The following DHX34 variants were observed in gnomAD, a reference collection of about 807,000 sequenced individuals.
DHX34 encodes probable ATP-dependent RNA helicase DHX34.
A neutral mutation model predicts 111.1 loss-of-function variants in DHX34; 96 were observed. That is an observed-to-expected ratio of 0.86 (90% CI 0.73 to 1.02). The LOEUF (loss-of-function observed/expected upper bound fraction) is 1.02. Among genes scored for constraint, DHX34 ranks in the 50% least tolerant of loss-of-function variants. DHX34 has a pLI of 0.00. For synonymous variants in DHX34, 688 were observed against 670.4 expected (o/e 1.03, Z -0.41); for missense variants, 1,560 against 1,579.9 (o/e 0.99, Z 0.21).
chr19:47,354,381 A>G (rs1969387304), intron 2 of DHX34, among the ~76,000 whole-genome samples: 1 of 152,236 alleles, frequency 6.6e-6, no homozygotes, highest in Admixed American at 6.5e-5. Context: ...TAAAGCACTT[A>G]GAGTGGCATA....
intron 6 of DHX34, among the ~76,000 whole-genome samples, chr19:47,365,264 A>AT (rs1214960789): frequency 7.5e-6 from 1 of 132,856 alleles, no homozygotes; most frequent in Non-Finnish European, 1.6e-5. Context: ...TTATTTATTT[A>AT]TTTTTGGGAC....
Position 47,367,048 on chromosome 19 carries a change from T to C in DHX34, c.1661T>C (p.Leu554Pro), listed in dbSNP as rs1969809096. The change falls in exon 7 of 17, where the codon CTG becomes CCG. Residue 554 changes from leucine to proline, a missense_variant. Leu to Pro is a moderately conservative substitution (Grantham distance 98, BLOSUM62 -3). Coordinates refer to ENST00000328771, the MANE Select transcript of DHX34 (RefSeq NM_014681.6). The part of the protein sequence containing the change: ...PFIEPPPPAS[L>P]ETAILYLRDQ... ...ATCGAGCCCCCACCACCAGCCAGCC[T>C]GGAAACCGCCATCCTCTACCTCCGG... 1 of 1,607,820 alleles carries C rather than the reference T, an allele frequency of 6.2e-7. No homozygotes were observed. The highest frequency in any genetic ancestry group is 2.2e-5 in the East Asian group (1 of 44,508).
chr19:47,352,910 T>C lies in DHX34; in HGVS notation c.-121T>C. 2.8e-6 allele frequency: 4 copies of C among 1,450,010 alleles called. No individual in the cohort carries two copies. The highest frequency in any genetic ancestry group is 3.6e-6 in the Non-Finnish European group (4 of 1,102,148). The allele number at this position is 1,450,010 out of a possible 1,614,324, so 89.8% of individuals were successfully genotyped here. A position where few individuals can be genotyped will look rare whatever the true frequency, so the allele number is the denominator to read the frequency against. On this transcript the variant is annotated 5_prime_UTR_variant, in exon 2 of 17. Coordinates refer to ENST00000328771, the MANE Select transcript of DHX34 (RefSeq NM_014681.6). ...CGTGACCAGGAGGAAAAATTAGCTCTTTGAAGAGAAAGTAGTTCTCTATTG... is the reference window on the plus strand; with the variant it reads ...CGTGACCAGGAGGAAAAATTAGCTCCTTGAAGAGAAAGTAGTTCTCTATTG...
intron 3 of DHX34, 118 bp downstream of exon 3, chr19:47,355,468 T>C (rs527653747): frequency 6.9e-7 from 1 of 1,440,670 alleles, no homozygotes; most frequent in African/African-American, 1.4e-5. Context: ...AAAGATGTTC[T>C]CTTTTTTTAA....
At chr19:47,363,585 A>G (rs952086292) in intron 6 of DHX34, among the ~76,000 whole-genome samples, 2 of 152,060 alleles carry the variant, frequency 1.3e-5, no homozygotes, top group African/African-American at 4.8e-5. Context: ...TGGGAGGCCA[A>G]GGCAGGTGGA....
In DHX34 at chr19:47,379,772, T is replaced by C. The variant is rs1254180461; in HGVS notation, c.2769T>C (p.Asp923=). The C allele has an allele frequency of 6.8e-6, 11 of 1,613,076 alleles. No individual in the cohort carries two copies. The highest frequency in any genetic ancestry group is 8.5e-6 in the Non-Finnish European group (10 of 1,179,288). The change falls in exon 14 of 17, where the codon GAT becomes GAC. Residue 923 remains aspartate, a synonymous_variant. Coordinates refer to ENST00000328771, the MANE Select transcript of DHX34 (RefSeq NM_014681.6). ...GTGACTGCTCCCGCCTGGTGGCCGA[T>C]GGCTGGCTGGAGCTGCAGCTAGCAG... ...TNGDCSRLVA[D]GWLELQLADS...
At chr19:47,356,474 A>G (rs772359269) in intron 3 of DHX34, among the ~76,000 whole-genome samples, 3 of 151,904 alleles carry the variant, frequency 2.0e-5, no homozygotes, top group Non-Finnish European at 2.9e-5. Context: ...CACTAAAAAT[A>G]CAAAAATTAG....
At chr19:47,374,320 C>G (rs1271537934) in intron 9 of DHX34, among the ~76,000 whole-genome samples, 1 of 151,684 alleles carries the variant, frequency 6.6e-6, no homozygotes, top group African/African-American at 2.4e-5. Context: ...GCCTGTAATC[C>G]CAGCTACTTG....
intron 7 of DHX34, among the ~76,000 whole-genome samples, chr19:47,371,940 A>G (rs1184179537): frequency 2.6e-5 from 4 of 151,788 alleles, no homozygotes; most frequent in African/African-American, 9.7e-5. Flanking sequence ...GTTACTGGAC[A>G]GGTGGGCAAG....
chr19:47,369,916 C>A (rs909190255), intron 7 of DHX34, among the ~76,000 whole-genome samples: 1 of 152,096 alleles, frequency 6.6e-6, no homozygotes, highest in African/African-American at 2.4e-5. Flanking sequence ...AGTTCCCAGC[C>A]CTCCTGATCT....
intron 7 of DHX34, among the ~76,000 whole-genome samples, chr19:47,369,184 T>C (rs144614091): frequency 3.2e-3 from 481 of 152,306 alleles, no homozygotes; most frequent in Non-Finnish European, 5.2e-3. Flanking sequence ...GGCCAGTATT[T>C]GTTTTTTCAG....
At chr19:47,352,346 C>G (rs1969312415) in intron 1 of DHX34, among the ~76,000 whole-genome samples, 2 of 152,148 alleles carry the variant, frequency 1.3e-5, no homozygotes, top group African/African-American at 2.4e-5. Context: ...CCTCCTTTTT[C>G]TAGTTCAGTG....
intron 6 of DHX34, among the ~76,000 whole-genome samples, chr19:47,366,643 C>T (rs200478437): frequency 0.063 from 5,959 of 94,506 alleles, no homozygotes; most frequent in African/African-American, 0.077. Context: ...TGCAGAGGCG[C>T]GATCTCGGCT....
intron 16 of DHX34, 74 bp from the exon 17 acceptor site, chr19:47,381,906 G>T: frequency 1.9e-6 from 3 of 1,600,608 alleles, no homozygotes; most frequent in Non-Finnish European, 1.7e-6. Flanking sequence ...CCCCACAGGT[G>T]CCTGGCATTT....
chr19:47,356,777 A>C (rs780909207), intron 3 of DHX34, among the ~76,000 whole-genome samples: 18 of 152,114 alleles, frequency 1.2e-4, no homozygotes, highest in Middle Eastern at 3.4e-3. Flanking sequence ...AACAAGGTAA[A>C]ACCCCGTCTC....
At chr19:47,373,501 C>T in intron 8 of DHX34, 98 bp from the exon 9 acceptor site, 1 of 1,504,962 alleles carries the variant, frequency 6.6e-7, no homozygotes, top group Non-Finnish European at 8.9e-7. Context: ...GCAGGTGTCC[C>T]TGAGGGATGC....
At chr19:47,376,585 AC>A in intron 12 of DHX34, 25 bp downstream of exon 12, 1 of 1,547,434 alleles carries the variant, frequency 6.5e-7, no homozygotes, top group Non-Finnish European at 8.7e-7. Flanking sequence ...GGCGGAAGGA[AC>A]CCCCATCCGG....
chr19:47,377,233 A>C (rs767787110), intron 13 of DHX34, 27 bp downstream of exon 13: 4 of 1,597,266 alleles, frequency 2.5e-6, no homozygotes, highest in African/African-American at 2.7e-5. Context: ...CCCCGCCCCC[A>C]TGCCCAGATA....
intron 1 of DHX34, among the ~76,000 whole-genome samples, chr19:47,349,912 A>C (rs992280306): frequency 3.3e-5 from 5 of 152,158 alleles, no homozygotes; most frequent in African/African-American, 1.2e-4. Context: ...ATGCTGAGAA[A>C]TGGAAAAGCG....
Sources: allele counts gnomAD v4.1 joint callset (sites outside exome capture counted in the v4.1 genomes callset), GRCh38; gene constraint gnomAD v4.1.1; transcripts MANE v1.5; gene names NCBI Gene and HGNC (gene_info 2026-07-23, HGNC 2026-07-21).